COL9A3: variants seen among roughly 807,000 people sequenced by gnomAD.
COL9A3 encodes the protein collagen alpha-3(IX) chain.
COL9A3 carries 82 observed loss-of-function variants against 110.2 expected under a neutral mutation model. That is an observed-to-expected ratio of 0.74 (90% CI 0.62 to 0.89). The LOEUF (loss-of-function observed/expected upper bound fraction) is 0.89. Ranked by LOEUF, COL9A3 falls within the 40% of genes least tolerant of loss-of-function variation. The pLI is 0.00. For synonymous variants in COL9A3, 494 were observed against 403.8 expected (o/e 1.22, Z -2.68); for missense variants, 1,066 against 981.3 (o/e 1.09, Z -1.15).
chr20:62,829,990 G>A (rs1424290101), intron 22 of COL9A3, among the ~76,000 whole-genome samples, 171 bp downstream of exon 22: 2 of 152,176 alleles, frequency 1.3e-5, no homozygotes, highest in African/African-American at 4.8e-5. Context: ...TCACCCGCTG[G>A]GAGACGGTCG....
At chr20:62,840,463 C>A in intron 31 of COL9A3, 79 bp from the exon 32 acceptor site, 1 of 1,325,322 alleles carries the variant, frequency 7.5e-7, no homozygotes, top group Non-Finnish European at 1.1e-6. Context: ...AAGAGCAGGG[C>A]TTGCCCACAG....
chr20:62,818,101 G>A lies in COL9A3; in HGVS notation c.148-417G>A, dbSNP rs114743166. ...TGTGGGCCAAGCAGCAGGAGGAGGC[G>A]GCTGAAATTCTACAATTGTGCCTCC... is the stretch of plus-strand genomic sequence containing the variant. On this transcript the variant is annotated intron_variant, in intron 2 of 31. Coordinates refer to ENST00000649368, the MANE Select transcript of COL9A3 (RefSeq NM_001853.4). 1.7e-3 allele frequency among the ~76,000 whole-genome samples: 261 copies of A among 152,218 alleles called. 1 individual carries two copies. The highest frequency in any genetic ancestry group is 6.1e-3 in the African/African-American group (253 of 41,540).
At chr20:62,819,850 T>C in intron 4 of COL9A3, 79 bp from the exon 5 acceptor site, 12 of 1,513,998 alleles carry the variant, frequency 7.9e-6, no homozygotes, top group Non-Finnish European at 1.1e-5. Flanking sequence ...AAGGGAAGGG[T>C]CCGTGCTTCC....
intron 4 of COL9A3, 99 bp from the exon 5 acceptor site, chr20:62,819,830 T>A (rs530378410): frequency 5.7e-5 from 76 of 1,345,070 alleles, no homozygotes; most frequent in Non-Finnish European, 7.3e-5. Flanking sequence ...TATGCCTCTC[T>A]GGACTCACCA....
chr20:62,836,456 G>A lies in COL9A3; in HGVS notation c.1549-22G>A, dbSNP rs779282593. 31 of 1,613,532 alleles carry A rather than the reference G, an allele frequency of 1.9e-5. 2 individuals carry two copies. Among genetic ancestry groups the A allele is most frequent in the South Asian group, 1.8e-4 (16 of 91,018 alleles). ...CCGAGGCTGCCGCCCCCATGCTGACGAATGTGTGGGGTGAATTCCAGGGGA... is the reference window on the plus strand; with the variant it reads ...CCGAGGCTGCCGCCCCCATGCTGACAAATGTGTGGGGTGAATTCCAGGGGA... On this transcript the variant is annotated intron_variant, in intron 28 of 31. Coordinates refer to ENST00000649368, the MANE Select transcript of COL9A3 (RefSeq NM_001853.4).
Position 62,836,252 on chromosome 20 carries a change from G to T in COL9A3, c.1467G>T (p.Gln489His). ...TQGPNGTSGVQGVPGPPGPLG... is the reference protein window; with the variant it reads ...TQGPNGTSGVHGVPGPPGPLG... ...GTCCCAACGGCACCAGCGGTGTTCA[G>T]GGTGTCCCCGGGCCCCCCGGTCCTC... The change falls in exon 28 of 32, where the codon CAG (glutamine) becomes CAT (histidine). Residue 489 changes from glutamine to histidine, a missense_variant. Transcript: ENST00000649368. 6.2e-7 allele frequency: 1 copy of T among 1,613,744 alleles called. No individual in the cohort carries two copies. Among genetic ancestry groups the T allele is most frequent in the Non-Finnish European group, 8.5e-7 (1 of 1,179,996 alleles).
At chr20:62,836,878 C>G (rs1051540874) in intron 29 of COL9A3, 2 of 751,700 alleles carry the variant, frequency 2.7e-6, no homozygotes, top group Non-Finnish European at 2.3e-6. Context: ...TTCACCTTCC[C>G]ACTCAGGCTT....
At chr20:62,839,338 AT>A (rs1479825635) in intron 31 of COL9A3, among the ~76,000 whole-genome samples, 3 of 152,214 alleles carry the variant, frequency 2.0e-5, no homozygotes, top group Admixed American at 2.0e-4. Flanking sequence ...CAGTTAAAGT[AT>A]AACAGAATTT....
At chr20:62,828,895 T>C in intron 18 of COL9A3, 28 bp from the exon 19 acceptor site, 1 of 1,612,466 alleles carries the variant, frequency 6.2e-7, no homozygotes, top group Non-Finnish European at 8.5e-7. Context: ...CAGCCTCCCC[T>C]TCCGCACCCC....
chr20:62,826,835 G>T lies in COL9A3; in HGVS notation c.792+15G>T. On this transcript the variant is annotated intron_variant, in intron 15 of 31. Transcript: ENST00000649368. ...CTGGGAAAGCGGTACGTGTGTCAGT[G>T]GACGGTGGGCGCCATGCCTCGTGAC... The T allele has an allele frequency of 6.2e-7, 1 of 1,612,452 alleles. No homozygotes were observed. Among genetic ancestry groups the T allele is most frequent in the East Asian group, 2.2e-5 (1 of 44,884 alleles).
chr20:62,837,410 C>T (rs1174122012), intron 30 of COL9A3, 145 bp downstream of exon 30: 5 of 779,364 alleles, frequency 6.4e-6, no homozygotes, highest in Admixed American at 4.6e-5. Context: ...TGGGGCCTAG[C>T]GCAGTTAACT....
In COL9A3 at chr20:62,838,772, A is replaced by T; in HGVS notation, c.1864+11A>T. 1.9e-6 allele frequency: 3 copies of T among 1,550,466 alleles called. No homozygotes were observed. The highest frequency in any genetic ancestry group is 2.6e-6 in the Non-Finnish European group (3 of 1,146,066). On this transcript the variant is annotated intron_variant, in intron 31 of 31. Coordinates refer to ENST00000649368, the MANE Select transcript of COL9A3 (RefSeq NM_001853.4). The stretch of plus-strand genomic sequence containing the variant: ...ACCAGGGGCCCCAAGGTACGAGTCC[A>T]CGGCCAGCAAGGCTTCACTGGGTGA...
rs57739618 is a variant in COL9A3 at position 62,826,200 on chromosome 20, G to A, written c.685-4G>A. On this transcript the variant is annotated splice_region_variant and splice_polypyrimidine_tract_variant and intron_variant, in intron 13 of 31. Coordinates refer to ENST00000649368, the MANE Select transcript of COL9A3 (RefSeq NM_001853.4). ...GCCTCTGCATCTGTGCCTCTCTCTC[G>A]CAGGGCCCCCGGGGATTACGAGGAC... is the stretch of plus-strand genomic sequence containing the variant. 2.4e-5 allele frequency: 38 copies of A among 1,559,398 alleles called. 1 individual carries two copies. The highest frequency in any genetic ancestry group is 2.2e-4 in the African/African-American group (16 of 73,630).
chr20:62,833,757 G>A (rs978384577), intron 26 of COL9A3, among the ~76,000 whole-genome samples: 3 of 151,738 alleles, frequency 2.0e-5, no homozygotes, highest in Admixed American at 2.0e-4. Context: ...GAGCACAGTG[G>A]CGCGATCTCG....
intron 29 of COL9A3, 135 bp from the exon 30 acceptor site, chr20:62,836,947 GT>G: frequency 8.4e-7 from 1 of 1,189,874 alleles, no homozygotes; most frequent in Non-Finnish European, 1.2e-6. Context: ...CCCCAAAGCA[GT>G]TAAACCATTT....
rs2063668499 is a variant in COL9A3, at chr20:62,840,490, C to T, written c.1865-52C>T. ...TGCCCACAGCTGGATGTCAAGTCCC[C>T]CTGCTTTCAGTCCGGGCTGCAGCTG... On this transcript the variant is annotated intron_variant, in intron 31 of 31. Transcript: ENST00000649368. The T allele has an allele frequency of 3.9e-6, 6 of 1,537,346 alleles. No individual in the cohort carries two copies. The East Asian group carries it at 1.3e-4, about 35-fold the overall frequency.
In COL9A3 at chr20:62,830,366, C is replaced by T. The variant is rs1461349259; in HGVS notation, c.1168C>T (p.Leu390Phe). 6.4e-7 allele frequency: 1 copy of T among 1,572,062 alleles called. No homozygotes were observed. The highest frequency in any genetic ancestry group is 1.8e-5 in the Admixed American group (1 of 54,228). Reference protein sequence around the residue: ...EAGHRGSAGALGPQGPPGAPG... With the variant: ...EAGHRGSAGAFGPQGPPGAPG... ...CCTCACCTTTGTCTTCCAGGGGGCCCTCGGCCCACAAGGCCCTCCCGGAGC... is the reference window on the plus strand; with the variant it reads ...CCTCACCTTTGTCTTCCAGGGGGCCTTCGGCCCACAAGGCCCTCCCGGAGC... Residue 390 changes from leucine to phenylalanine, a missense_variant, in exon 23 of 32, where the codon CTC becomes TTC. Physicochemically the swap from Leu to Phe is conservative, Grantham distance 22 (BLOSUM62 0). Coordinates refer to ENST00000649368, the MANE Select transcript of COL9A3 (RefSeq NM_001853.4).
Position 62,826,839 on chromosome 20 carries a change from G to A in COL9A3, c.792+19G>A, listed in dbSNP as rs115466848. On this transcript the variant is annotated intron_variant, in intron 15 of 31. Coordinates refer to ENST00000649368, the MANE Select transcript of COL9A3 (RefSeq NM_001853.4). Reference sequence around the variant, plus strand: ...GAAAGCGGTACGTGTGTCAGTGGACGGTGGGCGCCATGCCTCGTGACCTCT... The same window carrying A: ...GAAAGCGGTACGTGTGTCAGTGGACAGTGGGCGCCATGCCTCGTGACCTCT... The A allele has an allele frequency of 2.0e-3, 3,250 of 1,612,204 alleles. 66 individuals carry two copies. In the African/African-American group the frequency reaches 0.037, roughly 18 times the overall value.
intron 28 of COL9A3, 45 bp from the exon 29 acceptor site, chr20:62,836,433 G>C: frequency 6.2e-7 from 1 of 1,613,626 alleles, no homozygotes; most frequent in South Asian, 1.1e-5. Context: ...ATGCCTCACC[G>C]AGGCTGCCGC....
Sources: allele counts gnomAD v4.1 joint callset (sites outside exome capture counted in the v4.1 genomes callset), GRCh38; gene constraint gnomAD v4.1.1; transcripts MANE v1.5; gene names NCBI Gene and HGNC (gene_info 2026-07-23, HGNC 2026-07-21).